The following HYAL4 variants were observed in gnomAD, a reference collection of about 807,000 sequenced individuals.
HYAL4 encodes hyaluronidase-4.
HYAL4 carries 37 observed loss-of-function variants against 35.2 expected under a neutral mutation model. The ratio of observed to expected loss-of-function variants is 1.05; its 90% CI spans 0.81 to 1.38. The LOEUF (loss-of-function observed/expected upper bound fraction) is 1.38, where lower values mean the gene tolerates loss of function less well. Ranked by LOEUF, HYAL4 falls within the 40% of genes most tolerant of loss-of-function variation. HYAL4 has a pLI of 0.00. For synonymous variants in HYAL4, 198 were observed against 203.2 expected, an observed-to-expected ratio of 0.97 and a Z score of 0.22; for missense variants, 572 against 572.4, an observed-to-expected ratio of 1.00 and a Z score of 0.01.
chr7:123,802,189 A>G, the HYAL4 span, among the ~76,000 whole-genome samples: 3 of 152,194 alleles, frequency 2.0e-5, no homozygotes, highest in Non-Finnish European at 4.4e-5. Flanking sequence ...TTCTGATATT[A>G]TATAAAAAGG....
the HYAL4 span, among the ~76,000 whole-genome samples, chr7:123,822,205 G>C: frequency 6.6e-6 from 1 of 152,018 alleles, no homozygotes; most frequent in Non-Finnish European, 1.5e-5. Flanking sequence ...TTTTGATGGG[G>C]ATAGCATCAA....
rs192548020 is a variant in HYAL4, at chr7:123,857,315, G to A, written c.-52+9157G>A. On this transcript the variant is annotated intron_variant, in intron 2 of 4. Coordinates refer to ENST00000223026, the MANE Select transcript of HYAL4 (RefSeq NM_012269.3). ...GAAACCCAGGACCCTGATAGTGTAGGCACCTGAGGGAATCTCCTGGTCTGC... is the reference window on the plus strand; with the variant it reads ...GAAACCCAGGACCCTGATAGTGTAGACACCTGAGGGAATCTCCTGGTCTGC... Among the ~76,000 whole-genome samples, 501 of 152,272 alleles carry A rather than the reference G, an allele frequency of 3.3e-3. 1 individual carries two copies. The highest frequency in any genetic ancestry group is 0.011 in the African/African-American group (471 of 41,550).
At chr7:123,772,857 TCCA>T in the HYAL4 span, among the ~76,000 whole-genome samples, 2 of 152,194 alleles carry the variant, frequency 1.3e-5, no homozygotes, top group Non-Finnish European at 2.9e-5. Flanking sequence ...CAGAGGGCCA[TCCA>T]CCAAGTGAGG....
the HYAL4 span, among the ~76,000 whole-genome samples, chr7:123,767,025 G>A: frequency 6.6e-6 from 1 of 151,960 alleles, no homozygotes; most frequent in East Asian, 1.9e-4. Context: ...AGAACATTTG[G>A]TTATGATGTG....
At chr7:123,852,494 G>A (rs1453242136) in intron 2 of HYAL4, among the ~76,000 whole-genome samples, 1 of 152,122 alleles carries the variant, frequency 6.6e-6, no homozygotes, top group Non-Finnish European at 1.5e-5. Flanking sequence ...ATTAAATAGG[G>A]AATCCTTTTC....
chr7:123,771,120 G>A, the HYAL4 span, among the ~76,000 whole-genome samples: 1 of 152,198 alleles, frequency 6.6e-6, no homozygotes, highest in Non-Finnish European at 1.5e-5. Context: ...ACCCTGGGAA[G>A]AGCAGGCTGA....
chr7:123,811,967 G>A, the HYAL4 span, among the ~76,000 whole-genome samples: 2 of 152,094 alleles, frequency 1.3e-5, no homozygotes, highest in South Asian at 2.1e-4. Context: ...TCAGCCTCCT[G>A]AGTAGCTGTG....
intron 2 of HYAL4, among the ~76,000 whole-genome samples, chr7:123,849,605 G>A (rs978486351): frequency 6.6e-6 from 1 of 152,050 alleles, no homozygotes; most frequent in East Asian, 1.9e-4. Context: ...ACTGGCCCAG[G>A]CTTTCTTTTT....
intron 2 of HYAL4, among the ~76,000 whole-genome samples, chr7:123,867,818 A>T (rs1178933966): frequency 6.6e-6 from 1 of 152,230 alleles, no homozygotes; most frequent in Non-Finnish European, 1.5e-5. Flanking sequence ...TAAAATGGAA[A>T]TGTAATTATA....
intron 2 of HYAL4, among the ~76,000 whole-genome samples, chr7:123,850,441 A>G (rs1281818730): frequency 2.0e-5 from 3 of 152,080 alleles, no homozygotes; most frequent in Non-Finnish European, 4.4e-5. Flanking sequence ...GGGTTTTGCC[A>G]TGTTGCTCAA....
chr7:123,871,170 T>C (rs1806872047), intron 3 of HYAL4, among the ~76,000 whole-genome samples: 1 of 152,022 alleles, frequency 6.6e-6, no homozygotes, highest in African/African-American at 2.4e-5. Flanking sequence ...TTGTACCCTA[T>C]TGACTTTAAA....
chr7:123,792,670 C>T, the HYAL4 span, among the ~76,000 whole-genome samples: 26 of 152,276 alleles, frequency 1.7e-4, no homozygotes, highest in Middle Eastern at 3.4e-3. Flanking sequence ...TGCCCTGTCT[C>T]ATCCCCAGAC....
At position 123,869,053 on chromosome 7, in the gene HYAL4, T is replaced by C; in HGVS notation, c.780T>C (p.Pro260=). The change falls in exon 3 of 5, where the codon CCT becomes CCC. Residue 260 remains proline (P), a synonymous_variant. Coordinates refer to ENST00000223026, the MANE Select transcript of HYAL4 (RefSeq NM_012269.3). ...GGAACAGCAGTGCTGCTTTATATCC[T>C]TCTATCGGTGTCTGGAAATCCCTTG... ...WLWNSSAALY[P]SIGVWKSLGD... 1 of 1,614,230 alleles carries C rather than the reference T, an allele frequency of 6.2e-7. No homozygotes were observed. Among genetic ancestry groups the C allele is most frequent in the Non-Finnish European group, 8.5e-7 (1 of 1,180,036 alleles).
chr7:123,876,005 G>A, intron 4 of HYAL4: 1 of 456,624 alleles, frequency 2.2e-6, no homozygotes, highest in Non-Finnish European at 4.4e-6. Flanking sequence ...AAACTGAGAG[G>A]ATTAATTCCT....
At chr7:123,826,010 A>T (rs1375886178), upstream of HYAL4, among the ~76,000 whole-genome samples, 1 of 152,018 alleles carries the variant, frequency 6.6e-6, no homozygotes, top group Non-Finnish European at 1.5e-5. Context: ...CATGCTTTAA[A>T]ATGTTAGGAC....
At chr7:123,828,427 TACACACACACACACACAC>T (rs34327472), upstream of HYAL4, among the ~76,000 whole-genome samples, 1 of 141,306 alleles carries the variant, frequency 7.1e-6, no homozygotes, top group African/African-American at 2.6e-5. Flanking sequence ...TGTTCATAAT[TACACACACACACACACAC>T]ACACACACAC....
At chr7:123,869,877 A>G (rs535865323) in intron 3 of HYAL4, among the ~76,000 whole-genome samples, 3 of 147,530 alleles carry the variant, frequency 2.0e-5, no homozygotes, top group African/African-American at 5.0e-5. Flanking sequence ...TTTAGTAAAG[A>G]CGGGGTTTCA....
intron 4 of HYAL4, among the ~76,000 whole-genome samples, chr7:123,876,466 G>T (rs1479176544): frequency 6.6e-6 from 1 of 152,192 alleles, no homozygotes; most frequent in African/African-American, 2.4e-5. Context: ...GGTCTCATGT[G>T]CTGATTCTGG....
At position 123,868,517 on chromosome 7, in the gene HYAL4, G is replaced by A. The variant is rs766828852; in HGVS notation, c.244G>A (p.Ala82Thr). Reference protein sequence around the residue: ...FPVIGSPLAKARGQNVTIFYV... With the variant: ...FPVIGSPLAKTRGQNVTIFYV... ...TGTGATTGGAAGCCCACTGGCCAAG[G>A]CCAGGGGGCAAAATGTCACTATATT... Residue 82 changes from alanine (A) to threonine (T), a missense_variant, in exon 3 of 5, where the codon GCC becomes ACC. Physicochemically the swap from Ala to Thr is moderately conservative, Grantham distance 58 (BLOSUM62 0). Transcript: ENST00000223026. The A allele has an allele frequency of 2.5e-6, 4 of 1,609,346 alleles. No homozygotes were observed. Among genetic ancestry groups the A allele is most frequent in the Non-Finnish European group, 3.4e-6 (4 of 1,178,922 alleles).
Sources: gnomAD v4.1 joint callset for allele counts (sites outside exome capture counted in the v4.1 genomes callset) on GRCh38, gnomAD v4.1.1 for gene constraint, MANE v1.5 for transcripts, NCBI Gene and HGNC (gene_info 2026-07-23, HGNC 2026-07-21) for gene names.